ADCY7: variants seen among roughly 807,000 people sequenced by gnomAD.
ADCY7 encodes adenylate cyclase type 7.
ADCY7 carries 72 observed loss-of-function variants against 120.6 expected under a neutral mutation model. The observed-to-expected ratio is 0.60, with a 90% CI of 0.49 to 0.73. The LOEUF is 0.73. Ranked by LOEUF, ADCY7 falls within the 30% of genes least tolerant of loss-of-function variation. ADCY7 has a pLI of 0.00. For synonymous variants in ADCY7, 661 were observed against 628.0 expected (o/e 1.05, Z -0.78); for missense variants, 1,227 against 1,486.0 (o/e 0.83, Z 2.87).
rs377431616 is a variant in ADCY7, at chr16:50,311,809, C to A, written c.2448+23C>A. The A allele has an allele frequency of 9.3e-5, 125 of 1,338,332 alleles. 4 individuals carry two copies. Among genetic ancestry groups the A allele is most frequent in the Middle Eastern group, 4.0e-4 (2 of 4,976 alleles). 82.9% of individuals were successfully genotyped at this position (1,338,332 alleles called of 1,614,324 possible). ...CAGGTAAGGAGGCTGGCCCCCCCCCCCCCCCCAAGCTCTGCCCACTTTTCC... is the reference window on the plus strand; with the variant it reads ...CAGGTAAGGAGGCTGGCCCCCCCCCACCCCCCAAGCTCTGCCCACTTTTCC... On this transcript the variant is annotated intron_variant, in intron 20 of 25. Transcript: ENST00000673801.
chr16:50,284,327 G>A (rs1385946223), intron 1 of ADCY7, among the ~76,000 whole-genome samples: 7 of 152,158 alleles, frequency 4.6e-5, no homozygotes, highest in Non-Finnish European at 8.8e-5. Context: ...CCTGCCTGCC[G>A]TTGCCCAGAA....
chr16:50,315,635 C>T lies in ADCY7; in HGVS notation c.*130C>T. On this transcript the variant is annotated 3_prime_UTR_variant, in exon 26 of 26. Transcript: ENST00000673801. ...GGCTGTGCATGTTGGCTTCTTTGGA[C>T]CTGCACTGGAGGATTTCTCAGACAC... The T allele has an allele frequency of 1.7e-6, 2 of 1,183,594 alleles. No homozygotes were observed. Among genetic ancestry groups the T allele is most frequent in the Admixed American group, 4.8e-5 (2 of 41,558 alleles). 73.3% of individuals were successfully genotyped at this position (1,183,594 alleles called of 1,614,324 possible).
At chr16:50,263,829 C>T (rs566744369), upstream of ADCY7, among the ~76,000 whole-genome samples, 21 of 152,168 alleles carry the variant, frequency 1.4e-4, no homozygotes, top group Middle Eastern at 3.4e-3. Context: ...TCCATCTCCA[C>T]GCCGCGCTTT....
intron 10 of ADCY7, 110 bp from the exon 11 acceptor site, chr16:50,304,250 C>A (rs146444045): frequency 5.5e-6 from 6 of 1,094,542 alleles, no homozygotes; most frequent in Non-Finnish European, 7.2e-6. Flanking sequence ...TATTTTTTCA[C>A]GGGCTCAGGG....
intron 1 of ADCY7, among the ~76,000 whole-genome samples, chr16:50,275,214 C>T (rs905924069): frequency 6.6e-6 from 1 of 152,250 alleles, no homozygotes; most frequent in African/African-American, 2.4e-5. Flanking sequence ...GGAGGCTAAG[C>T]TCAGGGTAGG....
At chr16:50,298,606 A>G (rs988994443) in intron 7 of ADCY7, among the ~76,000 whole-genome samples, 3 of 152,092 alleles carry the variant, frequency 2.0e-5, no homozygotes, top group African/African-American at 7.2e-5. Context: ...GGGGCCGGGT[A>G]CTCAGTAGGC....
chr16:50,281,992 G>A (rs2034299234), intron 1 of ADCY7, among the ~76,000 whole-genome samples: 1 of 152,224 alleles, frequency 6.6e-6, no homozygotes, highest in African/African-American at 2.4e-5. Flanking sequence ...TTTTTGTCTG[G>A]AGCTGCGTGG....
rs1470854541 is a variant in ADCY7 at position 50,317,494 on chromosome 16, A to C, written c.*1989A>C. On this transcript the variant is annotated 3_prime_UTR_variant, in exon 26 of 26. Transcript: ENST00000673801. Reference sequence around the variant, plus strand: ...GAGGTCAGCATATTTGTACTCTTGGAATATTTGTTTTTTTCTTCAGTAACA... The same window carrying C: ...GAGGTCAGCATATTTGTACTCTTGGCATATTTGTTTTTTTCTTCAGTAACA... The C allele has an allele frequency of 6.6e-6, 1 of 152,332 alleles. No individual in the cohort carries two copies. The highest frequency in any genetic ancestry group is 2.4e-5 in the African/African-American group (1 of 41,438). The allele number at this position is 152,332 out of a possible 1,614,324, so 9.4% of individuals were successfully genotyped here.
chr16:50,261,974 G>A (rs1416166848), upstream of ADCY7, among the ~76,000 whole-genome samples: 2 of 152,230 alleles, frequency 1.3e-5, no homozygotes, highest in African/African-American at 2.4e-5. Flanking sequence ...CGTGCCCAGA[G>A]TTCCAAGCCC....
At chr16:50,268,905 C>T (rs752641402) in intron 1 of ADCY7, among the ~76,000 whole-genome samples, 7 of 152,084 alleles carry the variant, frequency 4.6e-5, no homozygotes, top group Non-Finnish European at 7.4e-5. Context: ...GGTGTGGTGG[C>T]GTGTGCCTGT....
chr16:50,292,480 G>C, intron 4 of ADCY7, 196 bp from the exon 5 acceptor site: 2 of 629,356 alleles, frequency 3.2e-6, no homozygotes, highest in South Asian at 4.0e-5. Context: ...TGGTCTTGCA[G>C]TCCTAGTGAC....
intron 12 of ADCY7, among the ~76,000 whole-genome samples, 169 bp downstream of exon 12, chr16:50,305,128 C>T (rs2035974269): frequency 6.6e-6 from 1 of 152,200 alleles, no homozygotes; most frequent in Admixed American, 6.5e-5. Context: ...GTTTCCTGGC[C>T]CCTGGCCCTT....
Position 50,315,594 on chromosome 16 carries a change from C to G in ADCY7, c.*89C>G. On this transcript the variant is annotated 3_prime_UTR_variant, in exon 26 of 26. Coordinates refer to ENST00000673801, the MANE Select transcript of ADCY7 (RefSeq NM_001114.5). ...GAAGACTCTCCGCCCCACGCCAATC[C>G]CAAAGGCATGCAGATGGCTGTGCAT... The G allele has an allele frequency of 6.6e-7, 1 of 1,511,982 alleles. No individual in the cohort carries two copies. Among genetic ancestry groups the G allele is most frequent in the South Asian group, 1.2e-5 (1 of 82,436 alleles). 93.7% of individuals were successfully genotyped at this position (1,511,982 alleles called of 1,614,324 possible).
At chr16:50,301,299 AC>A in intron 10 of ADCY7, 85 bp downstream of exon 10, 2 of 1,469,720 alleles carry the variant, frequency 1.4e-6, no homozygotes, top group Non-Finnish European at 9.1e-7. Flanking sequence ...CTTGGAGGAA[AC>A]CCCCATGTGG....
chr16:50,246,847 T>C (rs1017433246), intron 1 of ADCY7, among the ~76,000 whole-genome samples: 11 of 152,096 alleles, frequency 7.2e-5, no homozygotes, highest in Admixed American at 6.5e-4. Context: ...TCTCCATGGA[T>C]TGGAGTTGTT....
At position 50,301,462 on chromosome 16, in the gene ADCY7, C is replaced by T. The variant is rs532072290; in HGVS notation, c.1368+248C>T. Among the ~76,000 whole-genome samples the T allele has an allele frequency of 1.3e-3, 195 of 152,336 alleles. No individual in the cohort carries two copies. The highest frequency in any genetic ancestry group is 4.5e-3 in the African/African-American group (187 of 41,570). ...CCTCACCAGAAGGAGCTAATCCGAG[C>T]GAGGCCTTCACAGTGCGCCTGGCAC... On this transcript the variant is annotated intron_variant, in intron 10 of 25. Transcript: ENST00000673801.
intron 2 of ADCY7, among the ~76,000 whole-genome samples, chr16:50,289,988 C>T (rs2034836105): frequency 6.6e-6 from 1 of 152,244 alleles, no homozygotes; most frequent in African/African-American, 2.4e-5. Context: ...TCCTGTCCCA[C>T]CTCTGTGCCA....
At chr16:50,259,294 T>C (rs1034183152) in intron 1 of ADCY7, among the ~76,000 whole-genome samples, 1 of 152,190 alleles carries the variant, frequency 6.6e-6, no homozygotes, top group African/African-American at 2.4e-5. Context: ...CAATTTGTGG[T>C]ATGTCTGAAG....
At chr16:50,252,474 T>C (rs2032787293) in intron 1 of ADCY7, among the ~76,000 whole-genome samples, 1 of 152,128 alleles carries the variant, frequency 6.6e-6, no homozygotes, top group Admixed American at 6.5e-5. Flanking sequence ...AGGCATTGTT[T>C]GTGTGCCTGG....
Sources: gnomAD v4.1 joint callset for allele counts (sites outside exome capture counted in the v4.1 genomes callset) on GRCh38, gnomAD v4.1.1 for gene constraint, MANE v1.5 for transcripts, NCBI Gene and HGNC (gene_info 2026-07-23, HGNC 2026-07-21) for gene names.